Variants in PPP2R2A observed in about 807,000 individuals in gnomAD.
PPP2R2A encodes protein phosphatase 2 regulatory subunit Balpha.
A neutral mutation model predicts 53.2 loss-of-function variants in PPP2R2A; 9 were observed. That is an observed-to-expected ratio of 0.17 (90% CI 0.10 to 0.30). PPP2R2A has a LOEUF of 0.30. PPP2R2A is among the 10% of genes least tolerant of loss of function. PPP2R2A has a pLI of 1.00. For synonymous variants in PPP2R2A, 169 were observed against 174.2 expected, an observed-to-expected ratio of 0.97 and a Z score of 0.23; for missense variants, 235 against 534.6, an observed-to-expected ratio of 0.44 and a Z score of 5.53.
At chr8:26,352,336 G>A (rs1200373572) in intron 3 of PPP2R2A, among the ~76,000 whole-genome samples, 1 of 152,160 alleles carries the variant, frequency 6.6e-6, no homozygotes, top group Non-Finnish European at 1.5e-5. Context: ...TCATTATAAT[G>A]TAAACATCCC....
At chr8:26,323,687 T>C (rs1802951471) in intron 2 of PPP2R2A, among the ~76,000 whole-genome samples, 1 of 152,334 alleles carries the variant, frequency 6.6e-6, no homozygotes, top group South Asian at 2.1e-4. Context: ...GGGTCCTGAA[T>C]GCAGGAGCTT....
intron 2 of PPP2R2A, among the ~76,000 whole-genome samples, chr8:26,323,760 C>T (rs1563297666): frequency 6.6e-6 from 1 of 152,156 alleles, no homozygotes. Flanking sequence ...AGTTTACCTT[C>T]CTGGAAGCCC....
At chr8:26,314,615 A>G (rs1039611831) in intron 2 of PPP2R2A, among the ~76,000 whole-genome samples, 1 of 152,138 alleles carries the variant, frequency 6.6e-6, no homozygotes, top group Non-Finnish European at 1.5e-5. Context: ...TTGGCTGGTT[A>G]ACATTTTCCG....
chr8:26,300,955 C>T (rs922952936), intron 2 of PPP2R2A, among the ~76,000 whole-genome samples: 16 of 152,278 alleles, frequency 1.1e-4, no homozygotes, highest in African/African-American at 3.9e-4. Context: ...TCTTGAGTAC[C>T]TACATTTTTT....
Position 26,360,294 on chromosome 8 carries a change from G to GA in PPP2R2A, c.459+20dup, listed in dbSNP as rs1282988204. On this transcript the variant is annotated intron_variant, in intron 5 of 9. Transcript: ENST00000380737. The surrounding 1 kb of genome is among the most constrained non-coding windows in gnomAD (Gnocchi z 4.5). Reference sequence around the variant, plus strand: ...TACTACACTACGAGTAAGTACATAAGAAAAAAATGTCACAGATAGTGCTTG... The same window carrying GA: ...TACTACACTACGAGTAAGTACATAAGAAAAAAAATGTCACAGATAGTGCTTG... 2 of 1,484,098 alleles carry GA rather than the reference G, an allele frequency of 1.3e-6. No individual in the cohort carries two copies. Among genetic ancestry groups the GA allele is most frequent in the Non-Finnish European group, 1.9e-6 (2 of 1,077,168 alleles). 91.9% of individuals were successfully genotyped at this position (1,484,098 alleles called of 1,614,324 possible).
intron 2 of PPP2R2A, among the ~76,000 whole-genome samples, chr8:26,310,858 C>A (rs537892480): frequency 3.3e-5 from 5 of 151,792 alleles, no homozygotes; most frequent in Non-Finnish European, 7.4e-5. Flanking sequence ...AATGTTGGAG[C>A]CTTTTTGTGT....
At chr8:26,356,810 C>G (rs1804804746) in intron 4 of PPP2R2A, among the ~76,000 whole-genome samples, 2 of 152,120 alleles carry the variant, frequency 1.3e-5, no homozygotes, top group Non-Finnish European at 2.9e-5. Flanking sequence ...TATAGTGAAG[C>G]CCTGCATGCT....
chr8:26,317,718 C>T (rs1301734434), intron 2 of PPP2R2A, among the ~76,000 whole-genome samples: 1 of 152,184 alleles, frequency 6.6e-6, no homozygotes, highest in Non-Finnish European at 1.5e-5. Flanking sequence ...GTATTATTGA[C>T]CAAACTACTT....
chr8:26,361,394 G>T (rs377078442), intron 6 of PPP2R2A, among the ~76,000 whole-genome samples: 22 of 152,144 alleles, frequency 1.4e-4, no homozygotes, highest in African/African-American at 4.6e-4. Flanking sequence ...TTTGTCTATT[G>T]TATCTATGTA....
chr8:26,304,536 T>C (rs1801926445), intron 2 of PPP2R2A, among the ~76,000 whole-genome samples: 1 of 152,194 alleles, frequency 6.6e-6, no homozygotes, highest in African/African-American at 2.4e-5. Context: ...GCAGGCTCAT[T>C]GTAGGTCTGT....
At chr8:26,323,481 G>A (rs1192057323) in intron 2 of PPP2R2A, among the ~76,000 whole-genome samples, 3 of 152,184 alleles carry the variant, frequency 2.0e-5, no homozygotes, top group African/African-American at 7.2e-5. Context: ...CCAGTTGGAA[G>A]CCCCAGGTTG....
intron 3 of PPP2R2A, among the ~76,000 whole-genome samples, chr8:26,351,959 A>G (rs1804542416): frequency 6.6e-6 from 1 of 152,220 alleles, no homozygotes; most frequent in Non-Finnish European, 1.5e-5. Flanking sequence ...GAAAGTCTTT[A>G]TTGAATGCCT....
rs78302294 is a variant in PPP2R2A, at chr8:26,330,273, T to C, written c.83-8617T>C. On this transcript the variant is annotated intron_variant, in intron 2 of 9. Coordinates refer to ENST00000380737, the MANE Select transcript of PPP2R2A (RefSeq NM_002717.4). ...AGTCACATTTTTGTCTTTCGTCTTT[T>C]ATTTCTCATCATGTTGATGATTTAT... is the stretch of plus-strand genomic sequence containing the variant. Among the ~76,000 whole-genome samples the C allele has an allele frequency of 4.1e-3, 624 of 152,178 alleles. 14 individuals are homozygous for C. Among genetic ancestry groups the C allele is most frequent in the Admixed American group, 0.029 (446 of 15,254 alleles).
chr8:26,342,950 G>A (rs531663840), intron 3 of PPP2R2A, among the ~76,000 whole-genome samples: 2 of 152,242 alleles, frequency 1.3e-5, no homozygotes, highest in African/African-American at 4.8e-5. Context: ...CCAACACTTT[G>A]GGAGGCTGAG....
chr8:26,318,014 C>T (rs1310119253), intron 2 of PPP2R2A, among the ~76,000 whole-genome samples: 1 of 152,146 alleles, frequency 6.6e-6, no homozygotes, highest in Non-Finnish European at 1.5e-5. Context: ...TTGTTTAGAA[C>T]TTGGTATTAG....
intron 2 of PPP2R2A, among the ~76,000 whole-genome samples, chr8:26,302,511 T>C (rs1259194394): frequency 1.3e-5 from 2 of 152,214 alleles, no homozygotes; most frequent in Non-Finnish European, 1.5e-5. Flanking sequence ...TGCTAGAGCA[T>C]TGAATTTTAA....
chr8:26,344,997 C>T (rs1563312638), intron 3 of PPP2R2A, among the ~76,000 whole-genome samples: 3 of 152,066 alleles, frequency 2.0e-5, no homozygotes, highest in African/African-American at 4.8e-5. Flanking sequence ...ATACATATGA[C>T]CTGAAGATAA....
At chr8:26,318,149 G>C (rs1470349354) in intron 2 of PPP2R2A, among the ~76,000 whole-genome samples, 2 of 152,168 alleles carry the variant, frequency 1.3e-5, no homozygotes, top group African/African-American at 4.8e-5. Context: ...CACTCTTAGG[G>C]ACGATTAGTC....
intron 4 of PPP2R2A, among the ~76,000 whole-genome samples, chr8:26,356,350 A>G (rs1221879920): frequency 6.6e-6 from 1 of 152,166 alleles, no homozygotes; most frequent in Non-Finnish European, 1.5e-5. Flanking sequence ...TTTTCTGATC[A>G]TGAAAGCTTT....
Sources: gnomAD v4.1 joint callset for allele counts (sites outside exome capture counted in the v4.1 genomes callset) on GRCh38, gnomAD v4.1.1 for gene constraint, Gnocchi (gnomAD v3.1) non-coding constraint, MANE v1.5 for transcripts, NCBI Gene and HGNC (gene_info 2026-07-23, HGNC 2026-07-21) for gene names.